Variants in SLC2A5 observed in about 807,000 individuals in gnomAD.
The protein encoded by SLC2A5 is solute carrier family 2, facilitated glucose transporter member 5.
SLC2A5 carries 56 observed loss-of-function variants against 50.3 expected under a neutral mutation model. The observed-to-expected ratio is 1.11, with a 90% CI of 0.90 to 1.39. The LOEUF is 1.39. SLC2A5 is among the 40% of genes most tolerant of loss of function. The pLI is 0.00. For missense variants in SLC2A5, 566 were observed against 650.1 expected, an observed-to-expected ratio of 0.87 and a Z score of 1.41; for synonymous variants, 269 against 281.9, an observed-to-expected ratio of 0.95 and a Z score of 0.46.
chr1:9,049,163 A>C (rs1212059683), intron 3 of SLC2A5: 1 of 456,174 alleles, frequency 2.2e-6, no homozygotes, highest in Admixed American at 2.4e-5. Flanking sequence ...TGGAGCCCTC[A>C]TGATGAGGAC....
At position 9,040,207 on chromosome 1, in the gene SLC2A5, A is replaced by T. The variant is rs1275148540; in HGVS notation, c.572-18T>A. 1 of 1,543,554 alleles carries T rather than the reference A, an allele frequency of 6.5e-7. No homozygotes were observed. The stretch of plus-strand genomic sequence containing the variant: ...CGGCCAGCCTGGGAGGAAGGCAGCG[A>T]GCTGGCACCAGCGGCCTCCCCACCA... On this transcript the variant is annotated intron_variant, in intron 5 of 11. Transcript: ENST00000377424. The surrounding 1 kb of genome is among the most constrained non-coding windows in gnomAD (Gnocchi z 4.3).
intron 4 of SLC2A5, among the ~76,000 whole-genome samples, chr1:9,042,714 G>A (rs925060941): frequency 6.6e-6 from 1 of 151,684 alleles, no homozygotes; most frequent in Non-Finnish European, 1.5e-5. Flanking sequence ...TGGCATGTGT[G>A]TATGTGTGTG....
chr1:9,089,790 G>A (rs940283844), upstream of SLC2A5, among the ~76,000 whole-genome samples: 1 of 152,178 alleles, frequency 6.6e-6, no homozygotes, highest in African/African-American at 2.4e-5. Context: ...CCCCGTTTGG[G>A]TGCCACTCAT....
At chr1:9,087,992 A>C (rs1263613612) in intron 1 of SLC2A5, among the ~76,000 whole-genome samples, 2 of 152,154 alleles carry the variant, frequency 1.3e-5, no homozygotes, top group African/African-American at 4.8e-5. Flanking sequence ...AGTGCAAATG[A>C]GATAATGACA....
upstream of SLC2A5, among the ~76,000 whole-genome samples, chr1:9,092,332 C>T (rs2124494763): frequency 6.6e-6 from 1 of 152,310 alleles, no homozygotes; most frequent in Admixed American, 6.5e-5. Flanking sequence ...TTAGTCCTAC[C>T]TGACCCTGAA....
At chr1:9,045,870 C>CA (rs59265235) in intron 4 of SLC2A5, among the ~76,000 whole-genome samples, 14,992 of 92,852 alleles carry the variant, frequency 0.16, 1,243 homozygotes, top group Admixed American at 0.23. Context: ...AACTCCATCT[C>CA]AAAAAAAAAA....
chr1:9,065,244 T>A (rs1228393406), intron 1 of SLC2A5, among the ~76,000 whole-genome samples: 4 of 152,172 alleles, frequency 2.6e-5, no homozygotes, highest in Non-Finnish European at 5.9e-5. Flanking sequence ...GTCCTCAACC[T>A]TGGCCCCAGT....
intron 1 of SLC2A5, among the ~76,000 whole-genome samples, chr1:9,061,730 A>G (rs1641950209): frequency 6.6e-6 from 1 of 152,170 alleles, no homozygotes; most frequent in Non-Finnish European, 1.5e-5. Context: ...TAAGGTTTGA[A>G]GTCCTTTGGG....
At chr1:9,060,475 CACCCATACCCCACCCCCCCACATATGCA>C in intron 1 of SLC2A5, among the ~76,000 whole-genome samples, 1 of 147,840 alleles carries the variant, frequency 6.8e-6, no homozygotes, top group African/African-American at 2.5e-5. Context: ...CACACATACA[CACCCATACCCCACCCCCCCACATATGCA>C]CACATACATA....
At chr1:9,069,746 CTAAG>C (rs1398425429), upstream of SLC2A5, 2 of 602,762 alleles carry the variant, frequency 3.3e-6, no homozygotes, top group Non-Finnish European at 2.9e-6. Context: ...TGGGGTTTGG[CTAAG>C]TAAGTGGGTG....
the SLC2A5 span, among the ~76,000 whole-genome samples, chr1:9,093,589 A>C: frequency 3.3e-5 from 5 of 152,314 alleles, no homozygotes; most frequent in Admixed American, 6.5e-5. Flanking sequence ...TATGGCTTCA[A>C]GGAGCTTTCC....
chr1:9,052,047 A>C (rs949888302), intron 3 of SLC2A5, among the ~76,000 whole-genome samples: 1 of 152,202 alleles, frequency 6.6e-6, no homozygotes, highest in Admixed American at 6.5e-5. Context: ...GCACCTTGGG[A>C]GGCCGAGGTG....
chr1:9,061,630 A>T (rs1641947479), intron 1 of SLC2A5, among the ~76,000 whole-genome samples: 1 of 138,518 alleles, frequency 7.2e-6, no homozygotes. Flanking sequence ...TTCTTTTCTA[A>T]TTCTCTTCTC....
chr1:9,058,553 G>A (rs987664080), intron 1 of SLC2A5, among the ~76,000 whole-genome samples: 4 of 152,150 alleles, frequency 2.6e-5, no homozygotes, highest in African/African-American at 9.7e-5. Flanking sequence ...CAACCCAAAT[G>A]TCTTCCAACA....
At chr1:9,090,976 C>T (rs765744431), upstream of SLC2A5, among the ~76,000 whole-genome samples, 48 of 152,126 alleles carry the variant, frequency 3.2e-4, no homozygotes, top group Non-Finnish European at 4.7e-4. Context: ...TTAACATCTC[C>T]GAAAGTTTCA....
At chr1:9,060,369 TAC>T (rs1280984205) in intron 1 of SLC2A5, among the ~76,000 whole-genome samples, 1 of 96,354 alleles carries the variant, frequency 1.0e-5, no homozygotes, top group Non-Finnish European at 1.9e-5. Flanking sequence ...ACACACTACA[TAC>T]ACACACGCAC....
chr1:9,047,817 A>G lies in SLC2A5; in HGVS notation c.294-83T>C, dbSNP rs548419370. The G allele has an allele frequency of 2.6e-5, 38 of 1,454,242 alleles. No individual in the cohort carries two copies. In the East Asian group the frequency reaches 4.5e-4, roughly 17 times the overall value. The allele number at this position is 1,454,242 out of a possible 1,614,324, so 90.1% of individuals were successfully genotyped here. On this transcript the variant is annotated intron_variant, in intron 3 of 11. Coordinates refer to ENST00000377424, the MANE Select transcript of SLC2A5 (RefSeq NM_003039.3). ...AATGTTTCTGGAGTGTCTCCTCTGC[A>G]TAGGCTCCAGCAGTTACAGCAGCTT...
At chr1:9,062,899 T>C (rs115978069) in intron 1 of SLC2A5, among the ~76,000 whole-genome samples, 11,374 of 151,626 alleles carry the variant, frequency 0.075, 598 homozygotes, top group African/African-American at 0.16. Context: ...ATAAATAAAT[T>C]ACTCCAGCTA....
chr1:9,058,330 A>C (rs1454148096), intron 1 of SLC2A5, 80 bp from the exon 2 acceptor site: 1 of 937,318 alleles, frequency 1.1e-6, no homozygotes, highest in East Asian at 2.5e-5. Context: ...TCGTAGAAAG[A>C]TGTAACAGAA....
Sources: gnomAD v4.1 joint callset for allele counts (sites outside exome capture counted in the v4.1 genomes callset) on GRCh38, gnomAD v4.1.1 for gene constraint, Gnocchi (gnomAD v3.1) non-coding constraint, MANE v1.5 for transcripts, NCBI Gene and HGNC (gene_info 2026-07-23, HGNC 2026-07-21) for gene names.